The following VPS13B variants were observed in gnomAD, a reference collection of about 807,000 sequenced individuals.
The protein encoded by VPS13B is vacuolar protein sorting 13 homolog B.
A neutral mutation model predicts 426.4 loss-of-function variants in VPS13B; 285 were observed. The observed-to-expected ratio is 0.67, with a 90% CI of 0.61 to 0.74. VPS13B has a LOEUF of 0.74. Ranked by LOEUF, VPS13B falls within the 30% of genes least tolerant of loss-of-function variation. The pLI is 0.00. For missense variants in VPS13B, 4,537 were observed against 4,782.6 expected (o/e 0.95, Z 1.51); for synonymous variants, 1,676 against 1,676.4 (o/e 1.00, Z 0.01).
chr8:99,802,924 G>A (rs1179921926), intron 43 of VPS13B, among the ~76,000 whole-genome samples: 3 of 152,078 alleles, frequency 2.0e-5, no homozygotes, highest in Non-Finnish European at 4.4e-5. Context: ...TTTTTCATCT[G>A]TCTACCTTAC....
intron 30 of VPS13B, among the ~76,000 whole-genome samples, chr8:99,540,079 T>A (rs1823531542): frequency 2.5e-5 from 2 of 79,034 alleles, no homozygotes; most frequent in Non-Finnish European, 5.0e-5. Flanking sequence ...TTTTTTTTTT[T>A]TTTTTTTTTT....
chr8:99,021,365 G>C (rs551136795), intron 2 of VPS13B, among the ~76,000 whole-genome samples: 1 of 152,300 alleles, frequency 6.6e-6, no homozygotes, highest in East Asian at 1.9e-4. Context: ...GCTCATGCCT[G>C]TAATCCCGGC....
At chr8:99,360,524 G>C (rs1274243424) in intron 19 of VPS13B, among the ~76,000 whole-genome samples, 4 of 151,540 alleles carry the variant, frequency 2.6e-5, no homozygotes, top group African/African-American at 9.7e-5. Flanking sequence ...TGACCCGCCC[G>C]TCTCGGCCTC....
At chr8:99,048,814 CA>C (rs60561427) in intron 3 of VPS13B, among the ~76,000 whole-genome samples, 23 of 146,428 alleles carry the variant, frequency 1.6e-4, no homozygotes, top group South Asian at 2.1e-4. Flanking sequence ...AACTCTGTCT[CA>C]AAAAAAAAAA....
intron 15 of VPS13B, among the ~76,000 whole-genome samples, chr8:99,166,268 A>G (rs553938095): frequency 1.3e-5 from 2 of 152,336 alleles, no homozygotes; most frequent in East Asian, 1.9e-4. Flanking sequence ...TATAGGCATG[A>G]GCCACCGTGC....
At chr8:99,290,140 ATC>A (rs1819651541) in intron 19 of VPS13B, among the ~76,000 whole-genome samples, 2 of 152,000 alleles carry the variant, frequency 1.3e-5, no homozygotes, top group African/African-American at 4.8e-5. Flanking sequence ...AGACCCTTTT[ATC>A]TCTTATTAAT....
chr8:99,214,730 G>C (rs1044867223), intron 17 of VPS13B, among the ~76,000 whole-genome samples: 1 of 151,974 alleles, frequency 6.6e-6, no homozygotes, highest in Non-Finnish European at 1.5e-5. Flanking sequence ...TCACACTAAG[G>C]CAATTCCATA....
At chr8:99,219,707 C>A (rs1203219171) in intron 17 of VPS13B, among the ~76,000 whole-genome samples, 1 of 152,164 alleles carries the variant, frequency 6.6e-6, no homozygotes, top group Admixed American at 6.5e-5. Context: ...GCTATAATGG[C>A]CTTAGTTCAT....
At chr8:99,187,270 A>G (rs1813272456) in intron 16 of VPS13B, among the ~76,000 whole-genome samples, 1 of 152,180 alleles carries the variant, frequency 6.6e-6, no homozygotes, top group South Asian at 2.1e-4. Context: ...AACATAGTGG[A>G]GAGACCTAGT....
chr8:99,239,172 C>T (rs1365273479), intron 17 of VPS13B, among the ~76,000 whole-genome samples: 1 of 152,140 alleles, frequency 6.6e-6, no homozygotes, highest in Non-Finnish European at 1.5e-5. Flanking sequence ...AATTCAGATA[C>T]TAATGACTGA....
chr8:99,022,412 A>G (rs1455747015), intron 2 of VPS13B, among the ~76,000 whole-genome samples: 1 of 152,072 alleles, frequency 6.6e-6, no homozygotes, highest in Non-Finnish European at 1.5e-5. Context: ...CTTAATTTCC[A>G]AACATTTAGG....
chr8:99,524,372 G>A (rs1822537490), intron 30 of VPS13B, among the ~76,000 whole-genome samples: 1 of 152,130 alleles, frequency 6.6e-6, no homozygotes, highest in Admixed American at 6.5e-5. Context: ...ATCAATTCAA[G>A]TACAAGGTTG....
chr8:99,613,041 T>C (rs1223456613), intron 33 of VPS13B, among the ~76,000 whole-genome samples: 1 of 152,202 alleles, frequency 6.6e-6, no homozygotes, highest in Non-Finnish European at 1.5e-5. Context: ...TTGTATCTTT[T>C]TTAAAAAAAT....
chr8:99,725,495 G>A (rs1293015701), intron 39 of VPS13B, among the ~76,000 whole-genome samples: 2 of 152,148 alleles, frequency 1.3e-5, no homozygotes, highest in East Asian at 1.9e-4. Flanking sequence ...ATCTGAAGTG[G>A]AACAGTTTTA....
chr8:99,190,839 T>A (rs1470054748), intron 16 of VPS13B, among the ~76,000 whole-genome samples: 1 of 152,162 alleles, frequency 6.6e-6, no homozygotes, highest in Non-Finnish European at 1.5e-5. Context: ...TCTTCTTTTT[T>A]TTTTAAAAAA....
At chr8:99,786,838 C>G (rs563368322) in intron 43 of VPS13B, among the ~76,000 whole-genome samples, 1 of 152,174 alleles carries the variant, frequency 6.6e-6, no homozygotes, top group South Asian at 2.1e-4. Context: ...AAGCCAGAAG[C>G]CTTAATGGGC....
In VPS13B at chr8:99,832,407, C is replaced by T. The variant is rs745668942; in HGVS notation, c.9369C>T (p.Cys3123=). 101 of 1,482,842 alleles carry T rather than the reference C, an allele frequency of 6.8e-5. No individual in the cohort carries two copies. The Admixed American group carries it at 1.0e-3, about 15-fold the overall frequency. 91.9% of individuals were successfully genotyped at this position (1,482,842 alleles called of 1,614,324 possible). A position where few individuals can be genotyped will look rare whatever the true frequency, so the allele number is the denominator to read the frequency against. The part of the protein sequence containing the change: ...RVPDSATFSI[C]PGGEQPAMKS... Reference sequence around the variant, plus strand: ...CAGACAGTGCTACTTTTAGCATTTGCCCAGGTGGAGAGCAGCCTGCTATGA... The same window carrying T: ...CAGACAGTGCTACTTTTAGCATTTGTCCAGGTGGAGAGCAGCCTGCTATGA... Residue 3123 remains cysteine, a synonymous_variant, in exon 52 of 62, where the codon TGC becomes TGT. Coordinates refer to ENST00000357162, the MANE Select transcript of VPS13B (RefSeq NM_152564.5).
At chr8:99,604,850 T>A (rs1827500570) in intron 33 of VPS13B, among the ~76,000 whole-genome samples, 1 of 152,192 alleles carries the variant, frequency 6.6e-6, no homozygotes, top group Non-Finnish European at 1.5e-5. Context: ...TGGATTTGTC[T>A]GATGTTAAGG....
intron 17 of VPS13B, chr8:99,233,647 G>C: frequency 1.1e-6 from 1 of 944,812 alleles, no homozygotes; most frequent in East Asian, 2.4e-5. Flanking sequence ...CACTGGCATA[G>C]GCCTCCACTG....
Sources: gnomAD v4.1 joint callset for allele counts (sites outside exome capture counted in the v4.1 genomes callset) on GRCh38, gnomAD v4.1.1 for gene constraint, MANE v1.5 for transcripts, NCBI Gene and HGNC (gene_info 2026-07-23, HGNC 2026-07-21) for gene names.